Variants in CD163L1 observed in about 807,000 individuals in gnomAD.
The protein encoded by CD163L1 is CD163 molecule like 1, also known as scavenger receptor cysteine-rich type 1 protein M160.
In CD163L1, 124 loss-of-function variants were observed where a neutral mutation model predicts 165.4. The ratio of observed to expected loss-of-function variants is 0.75; its 90% confidence interval spans 0.65 to 0.87. The LOEUF (loss-of-function observed/expected upper bound fraction) is 0.87, where lower values mean the gene tolerates loss of function less well. Among genes scored for constraint, CD163L1 ranks in the 40% least tolerant of loss-of-function variants. The probability of loss-of-function intolerance (pLI) is 0.00; values close to 1 mark genes in which losing one functional copy is unlikely to be tolerated. For missense variants in CD163L1, 1,525 were observed against 1,799.9 expected (o/e 0.85, Z 2.76); for synonymous variants, 585 against 662.2 (o/e 0.88, Z 1.79).
In CD163L1 at chr12:7,396,399, G is replaced by C. The variant is rs373498364; in HGVS notation, c.1746C>G (p.Gly582=). 2 of 1,606,680 alleles carry C rather than the reference G, an allele frequency of 1.2e-6. No individual in the cohort carries two copies. The highest frequency in any genetic ancestry group is 1.7e-6 in the Non-Finnish European group (2 of 1,174,426). ...IVTCSGDATW[G]LRLVGGSNRC... is the part of the protein sequence containing the mutation. ...GGTTGCTGCCGCCCACCAGCCTCAG[G>C]CCCCATGTTGCATCACCTGCACCAA... Residue 582 remains glycine, a synonymous_variant, in exon 8 of 20, where the codon GGC becomes GGG. Transcript: ENST00000313599.
chr12:7,388,638 G>A (rs1238359375), intron 8 of CD163L1, among the ~76,000 whole-genome samples: 2 of 151,946 alleles, frequency 1.3e-5, no homozygotes, highest in African/African-American at 4.8e-5. Flanking sequence ...TAGCTACTTG[G>A]GGGACTGAGG....
chr12:7,333,639 T>C, the CD163L1 span, among the ~76,000 whole-genome samples: 1 of 151,898 alleles, frequency 6.6e-6, no homozygotes, highest in Non-Finnish European at 1.5e-5. Context: ...ATAACTAAGA[T>C]CAGAGCAGAA....
In CD163L1 at chr12:7,400,254, TC is replaced by T. The variant is rs1947891606; in HGVS notation, c.1409-1671del. 6.6e-6 allele frequency among the ~76,000 whole-genome samples: 1 copy of T among 152,194 alleles called. No individual in the cohort carries two copies. The highest frequency in any genetic ancestry group is 2.4e-5 in the African/African-American group (1 of 41,438). On this transcript the variant is annotated intron_variant, in intron 6 of 19. Transcript: ENST00000313599. The surrounding 1 kb of genome is among the most constrained non-coding windows in gnomAD (Gnocchi z 4.1). ...AGTTTTGAGTATGTCACCAAGTGCTTCCACAATATAATGGAAACCAATGTAT... is the reference window on the plus strand; with the variant it reads ...AGTTTTGAGTATGTCACCAAGTGCTTCACAATATAATGGAAACCAATGTAT...
chr12:7,441,338 G>A lies in CD163L1; in HGVS notation c.32-92C>T, dbSNP rs1948828894. On this transcript the variant is annotated intron_variant, in intron 1 of 19. Transcript: ENST00000313599. The stretch of plus-strand genomic sequence containing the variant: ...GACTTAAATCCAAAATAAAATAGAA[G>A]GAGTAAGATGAATTATTCTTCCACC... 5 of 877,654 alleles carry A rather than the reference G, an allele frequency of 5.7e-6. No individual in the cohort carries two copies. The Admixed American group carries it at 1.1e-4, about 19-fold the overall frequency. 54.4% of individuals were successfully genotyped at this position (877,654 alleles called of 1,614,324 possible). A position where few individuals can be genotyped will look rare whatever the true frequency, so the allele number is the denominator to read the frequency against.
chr12:7,335,123 C>T, the CD163L1 span, among the ~76,000 whole-genome samples: 358 of 152,184 alleles, frequency 2.4e-3, 2 homozygotes, highest in African/African-American at 7.5e-3. Flanking sequence ...ACTTTCTTCA[C>T]GGAATTGGAA....
chr12:7,363,368 G>A (rs1946946259), intron 18 of CD163L1, among the ~76,000 whole-genome samples: 1 of 150,960 alleles, frequency 6.6e-6, no homozygotes, highest in Admixed American at 6.6e-5. Flanking sequence ...TGCACCTCAA[G>A]GAACAAAAAA....
chr12:7,333,578 G>T, the CD163L1 span, among the ~76,000 whole-genome samples: 1 of 152,122 alleles, frequency 6.6e-6, no homozygotes, highest in Non-Finnish European at 1.5e-5. Flanking sequence ...ACAATTAAAA[G>T]AACTAGAAAA....
chr12:7,369,999 C>A lies in CD163L1; in HGVS notation c.3731-334G>T, dbSNP rs1006043836. Among the ~76,000 whole-genome samples, 1 of 152,164 alleles carries A rather than the reference C, an allele frequency of 6.6e-6. No individual in the cohort carries two copies. Among genetic ancestry groups the A allele is most frequent in the Non-Finnish European group, 1.5e-5 (1 of 68,024 alleles). On this transcript the variant is annotated intron_variant, in intron 14 of 19. Transcript: ENST00000313599. The surrounding 1 kb of genome is among the most constrained non-coding windows in gnomAD (Gnocchi z 4.9). ...TATCTGACCCAAACATCCTATCTTG[C>A]CCCTCTCATTTTCACAATTTCTCCA... is the stretch of plus-strand genomic sequence containing the variant.
intron 9 of CD163L1, among the ~76,000 whole-genome samples, chr12:7,377,487 C>T (rs139766261): frequency 0.013 from 1,997 of 152,272 alleles, 17 homozygotes; most frequent in Middle Eastern, 0.055. Context: ...TTAGTCATCA[C>T]CTTATTTATT....
chr12:7,356,549 A>G (rs920154954), intron 19 of CD163L1, among the ~76,000 whole-genome samples: 2 of 152,142 alleles, frequency 1.3e-5, no homozygotes, highest in Non-Finnish European at 2.9e-5. Context: ...ATTCCCATAA[A>G]AAATTTAGAA....
chr12:7,415,320 C>A (rs1948215088), intron 4 of CD163L1, among the ~76,000 whole-genome samples: 1 of 151,702 alleles, frequency 6.6e-6, no homozygotes, highest in African/African-American at 2.4e-5. Flanking sequence ...GTAGACACAC[C>A]AAAGATAAAG....
downstream of CD163L1, among the ~76,000 whole-genome samples, chr12:7,354,757 A>G (rs530322465): frequency 7.0e-4 from 106 of 152,128 alleles, no homozygotes; most frequent in Non-Finnish European, 1.4e-3. Context: ...TTCCCACTGT[A>G]CACTCACATA....
chr12:7,344,495 C>T (rs1333068853), downstream of CD163L1, among the ~76,000 whole-genome samples: 1 of 152,182 alleles, frequency 6.6e-6, no homozygotes, highest in Non-Finnish European at 1.5e-5. Context: ...GCAGCTCTGC[C>T]CCTTTGGCTT....
At chr12:7,393,378 C>T (rs1200270893) in intron 8 of CD163L1, among the ~76,000 whole-genome samples, 4 of 152,164 alleles carry the variant, frequency 2.6e-5, no homozygotes, top group East Asian at 3.8e-4. Context: ...AACACTGCTT[C>T]ATGCTAAAAA....
intron 8 of CD163L1, among the ~76,000 whole-genome samples, chr12:7,388,425 G>A (rs2136468817): frequency 6.6e-6 from 1 of 152,240 alleles, no homozygotes; most frequent in East Asian, 1.9e-4. Flanking sequence ...AACTCGACAG[G>A]AAAACAAAAC....
At chr12:7,323,569 A>G in the CD163L1 span, 2 of 1,606,698 alleles carry the variant, frequency 1.2e-6, no homozygotes, top group African/African-American at 2.7e-5. Context: ...TGGTATGAGG[A>G]TAGAAAGTGC....
At chr12:7,357,286 A>AAATATTGGAACCAG in intron 19 of CD163L1, 94 bp downstream of exon 19, 1 of 725,530 alleles carries the variant, frequency 1.4e-6, no homozygotes, top group Non-Finnish European at 2.4e-6. Flanking sequence ...GACATAATAT[A>AAATATTGGAACCAG]TGGTAATATA....
At chr12:7,352,805 C>A (rs1360053045), downstream of CD163L1, among the ~76,000 whole-genome samples, 1 of 151,842 alleles carries the variant, frequency 6.6e-6, no homozygotes, top group African/African-American at 2.4e-5. Flanking sequence ...ACAAGTAGAT[C>A]AAAAAACAAA....
the CD163L1 span, among the ~76,000 whole-genome samples, chr12:7,327,606 T>C: frequency 6.6e-6 from 1 of 152,248 alleles, no homozygotes; most frequent in Admixed American, 6.5e-5. Flanking sequence ...GATGGCCCTG[T>C]AGTTTCCTTC....
Sources: allele counts gnomAD v4.1 joint callset (sites outside exome capture counted in the v4.1 genomes callset), GRCh38; gene constraint gnomAD v4.1.1; non-coding constraint Gnocchi (gnomAD v3.1); transcripts MANE v1.5; gene names NCBI Gene and HGNC (gene_info 2026-07-23, HGNC 2026-07-21).